The following KCNK13 variants were observed in gnomAD, a reference collection of about 807,000 sequenced individuals.
The protein encoded by KCNK13 is potassium channel subfamily K member 13.
In KCNK13, 12 loss-of-function variants were observed where a neutral mutation model predicts 23.4. The observed-to-expected ratio is 0.51, with a 90% CI of 0.33 to 0.83. The LOEUF is 0.83. KCNK13 is among the 40% of genes least tolerant of loss of function. The pLI, the probability that KCNK13 is intolerant of heterozygous loss-of-function variation, is 0.02. For missense variants in KCNK13, 463 were observed against 556.3 expected, an observed-to-expected ratio of 0.83 and a Z score of 1.69; for synonymous variants, 231 against 229.5, an observed-to-expected ratio of 1.01 and a Z score of -0.06.
At chr14:90,069,785 C>T (rs1245049708) in intron 1 of KCNK13, among the ~76,000 whole-genome samples, 1 of 152,114 alleles carries the variant, frequency 6.6e-6, no homozygotes. Flanking sequence ...AGCATTTGTG[C>T]ACAAACCTTA....
intron 1 of KCNK13, among the ~76,000 whole-genome samples, chr14:90,077,101 G>A (rs1423356105): frequency 1.4e-5 from 2 of 146,118 alleles, no homozygotes; most frequent in Admixed American, 1.4e-4. Context: ...TTACAGGCAT[G>A]AGCCACCGCA....
chr14:90,080,862 A>G (rs547528864), intron 1 of KCNK13, among the ~76,000 whole-genome samples: 47 of 152,250 alleles, frequency 3.1e-4, no homozygotes, highest in African/African-American at 1.0e-3. Flanking sequence ...CCTCAACACA[A>G]CTGGCATTTT....
intron 1 of KCNK13, among the ~76,000 whole-genome samples, chr14:90,153,321 C>T (rs1402491150): frequency 1.3e-5 from 2 of 152,198 alleles, no homozygotes; most frequent in Non-Finnish European, 2.9e-5. Context: ...ACTGGCTCTG[C>T]TTCTTCCTAG....
At chr14:90,086,140 G>A (rs910062377) in intron 1 of KCNK13, among the ~76,000 whole-genome samples, 1 of 152,014 alleles carries the variant, frequency 6.6e-6, no homozygotes, top group South Asian at 2.1e-4. Flanking sequence ...TTTCACTGTA[G>A]TATTTAAATT....
At chr14:90,142,669 A>G (rs1305925501) in intron 1 of KCNK13, among the ~76,000 whole-genome samples, 1 of 152,150 alleles carries the variant, frequency 6.6e-6, no homozygotes, top group African/African-American at 2.4e-5. Context: ...TTTCATTTCC[A>G]AGTGAATTGC....
At chr14:90,144,364 A>G (rs1890049263) in intron 1 of KCNK13, among the ~76,000 whole-genome samples, 1 of 152,136 alleles carries the variant, frequency 6.6e-6, no homozygotes, top group South Asian at 2.1e-4. Context: ...ATAGATAGAA[A>G]TAGAATTATT....
At chr14:90,092,933 A>AAAAAAAAAAAC (rs1889366696) in intron 1 of KCNK13, among the ~76,000 whole-genome samples, 1 of 147,344 alleles carries the variant, frequency 6.8e-6, no homozygotes, top group Non-Finnish European at 1.5e-5. Flanking sequence ...AAAAAAAAAA[A>AAAAAAAAAAAC]AGCATCACGA....
intron 1 of KCNK13, among the ~76,000 whole-genome samples, chr14:90,115,420 A>C (rs931649567): frequency 2.6e-5 from 4 of 152,234 alleles, no homozygotes; most frequent in African/African-American, 7.2e-5. Context: ...TCTCCTGTGA[A>C]ACTTACAAAG....
intron 1 of KCNK13, among the ~76,000 whole-genome samples, chr14:90,118,182 T>TCACG (rs1889698494): frequency 6.6e-6 from 1 of 152,172 alleles, no homozygotes; most frequent in African/African-American, 2.4e-5. Flanking sequence ...GAAGGCACCG[T>TCACG]TACCCATCAT....
At chr14:90,086,728 T>G (rs1483769241) in intron 1 of KCNK13, among the ~76,000 whole-genome samples, 1 of 152,174 alleles carries the variant, frequency 6.6e-6, no homozygotes, top group East Asian at 1.9e-4. Context: ...CCATATCAAA[T>G]GTAAACCTCA....
chr14:90,136,566 C>T (rs1162651937), intron 1 of KCNK13, among the ~76,000 whole-genome samples: 1 of 151,768 alleles, frequency 6.6e-6, no homozygotes, highest in Non-Finnish European at 1.5e-5. Flanking sequence ...TTATTGAAAG[C>T]AAAATAATCA....
At chr14:90,167,731 C>G (rs974023094) in intron 1 of KCNK13, among the ~76,000 whole-genome samples, 1 of 152,152 alleles carries the variant, frequency 6.6e-6, no homozygotes, top group African/African-American at 2.4e-5. Context: ...TGCCTCAATC[C>G]TCTATCACAT....
intron 1 of KCNK13, among the ~76,000 whole-genome samples, chr14:90,182,084 T>C (rs547371889): frequency 5.3e-5 from 8 of 152,350 alleles, no homozygotes; most frequent in Admixed American, 3.3e-4. Flanking sequence ...AACTATTCCC[T>C]GTCCCTCGAT....
Position 90,162,962 on chromosome 14 carries a change from T to C in KCNK13, c.335-21149T>C, listed in dbSNP as rs118060168. On this transcript the variant is annotated intron_variant, in intron 1 of 1. Coordinates refer to ENST00000282146, the MANE Select transcript of KCNK13 (RefSeq NM_022054.4). ...TAAATACCCTAATAGGAAAGTGGGC[T>C]AAAAACATAAGCAGGCAAGTCACAG... 3.3e-3 allele frequency among the ~76,000 whole-genome samples: 508 copies of C among 152,208 alleles called. 11 individuals carry two copies. The highest frequency in any genetic ancestry group is 0.025 in the Admixed American group (386 of 15,276).
At chr14:90,112,688 G>T (rs1349279105) in intron 1 of KCNK13, among the ~76,000 whole-genome samples, 2 of 152,078 alleles carry the variant, frequency 1.3e-5, no homozygotes, top group South Asian at 4.1e-4. Context: ...AAGGAAAAAT[G>T]CACATGGTAA....
chr14:90,104,511 C>G (rs1172765755), intron 1 of KCNK13, among the ~76,000 whole-genome samples: 1 of 152,186 alleles, frequency 6.6e-6, no homozygotes, highest in Non-Finnish European at 1.5e-5. Flanking sequence ...ACATTCCTAT[C>G]TTTGGGGACT....
intron 1 of KCNK13, among the ~76,000 whole-genome samples, chr14:90,074,824 T>G (rs1406853730): frequency 6.6e-6 from 1 of 152,228 alleles, no homozygotes; most frequent in Admixed American, 6.5e-5. Context: ...ATTGCTTTTA[T>G]CACTTGCATA....
chr14:90,068,947 G>C (rs757720645), intron 1 of KCNK13, among the ~76,000 whole-genome samples: 1 of 152,026 alleles, frequency 6.6e-6, no homozygotes, highest in African/African-American at 2.4e-5. Flanking sequence ...AAGATGACCC[G>C]GCTCATGAGG....
chr14:90,129,328 T>A (rs1347209611), intron 1 of KCNK13, among the ~76,000 whole-genome samples: 1 of 152,216 alleles, frequency 6.6e-6, no homozygotes, highest in East Asian at 1.9e-4. Flanking sequence ...TCTTGGCAGA[T>A]GTCTCCTAGA....
Sources: allele counts gnomAD v4.1 joint callset (sites outside exome capture counted in the v4.1 genomes callset), GRCh38; gene constraint gnomAD v4.1.1; transcripts MANE v1.5; gene names NCBI Gene and HGNC (gene_info 2026-07-23, HGNC 2026-07-21).